Variants in POU6F2 observed in about 807,000 individuals in gnomAD.
POU6F2 encodes POU class 6 homeobox 2, also known as POU domain, class 6, transcription factor 2.
A neutral mutation model predicts 71.3 loss-of-function variants in POU6F2; 31 were observed. That is an observed-to-expected ratio of 0.43 (90% CI 0.33 to 0.59). The LOEUF is 0.59. Among genes scored for constraint, POU6F2 ranks in the 20% least tolerant of loss-of-function variants. The probability of loss-of-function intolerance (pLI) is 0.04; values close to 1 mark genes in which losing one functional copy is unlikely to be tolerated. For synonymous variants in POU6F2, 347 were observed against 355.7 expected (o/e 0.98, Z 0.27); for missense variants, 783 against 856.8 (o/e 0.91, Z 1.07).
At chr7:39,211,182 A>G (rs1193490953) in intron 4 of POU6F2, among the ~76,000 whole-genome samples, 1 of 152,132 alleles carries the variant, frequency 6.6e-6, no homozygotes, top group Non-Finnish European at 1.5e-5. Context: ...GGGGGTTAGG[A>G]TTTCAACATA....
intron 4 of POU6F2, among the ~76,000 whole-genome samples, chr7:39,220,820 T>C (rs886654015): frequency 1.2e-4 from 19 of 152,214 alleles, no homozygotes; most frequent in Admixed American, 3.3e-4. Flanking sequence ...AAGTGCACAA[T>C]GAATGATGGC....
intron 1 of POU6F2, among the ~76,000 whole-genome samples, chr7:38,982,123 T>C (rs1385114307): frequency 6.6e-6 from 1 of 152,188 alleles, no homozygotes; most frequent in Non-Finnish European, 1.5e-5. Context: ...TAGACTGATA[T>C]TCGTGCCTTA....
chr7:39,392,997 T>G (rs1047003851), intron 5 of POU6F2, among the ~76,000 whole-genome samples: 2 of 152,256 alleles, frequency 1.3e-5, no homozygotes, highest in African/African-American at 4.8e-5. Flanking sequence ...ACAGCCTTGC[T>G]TTTGCTCTTG....
intron 4 of POU6F2, among the ~76,000 whole-genome samples, chr7:39,309,567 AT>A (rs1018161826): frequency 2.6e-5 from 4 of 151,920 alleles, no homozygotes; most frequent in South Asian, 2.1e-4. Flanking sequence ...TTTAAAAAAA[AT>A]TTTTTTTCCT....
intron 5 of POU6F2, among the ~76,000 whole-genome samples, chr7:39,388,456 C>CTTGGGT (rs1215097345): frequency 3.3e-5 from 5 of 152,182 alleles, no homozygotes; most frequent in Non-Finnish European, 5.9e-5. Flanking sequence ...GCTGAGACTA[C>CTTGGGT]AGGCTCCCGC....
At chr7:39,215,593 G>A (rs1422195307) in intron 4 of POU6F2, among the ~76,000 whole-genome samples, 1 of 152,152 alleles carries the variant, frequency 6.6e-6, no homozygotes, top group Non-Finnish European at 1.5e-5. Flanking sequence ...AACTTTCAAA[G>A]CATTAGAGGT....
At chr7:39,307,532 T>C (rs1212915111) in intron 4 of POU6F2, among the ~76,000 whole-genome samples, 2 of 152,220 alleles carry the variant, frequency 1.3e-5, no homozygotes, top group Non-Finnish European at 2.9e-5. Flanking sequence ...TGAAGATAAT[T>C]TTATACTTCC....
intron 3 of POU6F2, among the ~76,000 whole-genome samples, chr7:39,206,636 T>C (rs1794016964): frequency 6.6e-6 from 1 of 152,244 alleles, no homozygotes; most frequent in African/African-American, 2.4e-5. Context: ...ACATTTTCTA[T>C]TTTTCTAAAG....
intron 2 of POU6F2, among the ~76,000 whole-genome samples, chr7:39,124,330 C>T (rs188266972): frequency 6.6e-6 from 1 of 152,174 alleles, no homozygotes; most frequent in Non-Finnish European, 1.5e-5. Context: ...CAGGCATAAG[C>T]CACCGCACCC....
At position 39,056,022 on chromosome 7, in the gene POU6F2, G is replaced by T. The variant is rs1345620308; in HGVS notation, c.106-29838G>T. Among the ~76,000 whole-genome samples the T allele has an allele frequency of 1.0e-4, 15 of 149,740 alleles. No homozygotes were observed. In the South Asian group the frequency reaches 2.1e-3, roughly 21 times the overall value. On this transcript the variant is annotated intron_variant, in intron 1 of 9. Transcript: ENST00000518318. Reference sequence around the variant, plus strand: ...ATCTCTTTAATCTTTAAAAAAAAAAGCCATTTGGTATTTGCTTTGTTTTAT... The same window carrying T: ...ATCTCTTTAATCTTTAAAAAAAAAATCCATTTGGTATTTGCTTTGTTTTAT...
At chr7:39,421,182 T>TA (rs1474754804) in intron 6 of POU6F2, among the ~76,000 whole-genome samples, 1 of 152,134 alleles carries the variant, frequency 6.6e-6, no homozygotes, top group Admixed American at 6.6e-5. Context: ...TCTTATGAGT[T>TA]ACGGTCTTTG....
chr7:39,130,268 A>G (rs1470104780), intron 2 of POU6F2, among the ~76,000 whole-genome samples: 4 of 152,064 alleles, frequency 2.6e-5, no homozygotes, highest in African/African-American at 4.8e-5. Context: ...GAATGAAGGT[A>G]ATGAAATTCA....
intron 5 of POU6F2, among the ~76,000 whole-genome samples, chr7:39,354,842 T>A (rs1318080779): frequency 6.6e-6 from 1 of 152,206 alleles, no homozygotes; most frequent in Admixed American, 6.5e-5. Context: ...CTGAAGGAAA[T>A]CATCTTAAAA....
intron 2 of POU6F2, among the ~76,000 whole-genome samples, chr7:39,129,583 A>G (rs1486656533): frequency 1.3e-5 from 2 of 151,540 alleles, no homozygotes; most frequent in Non-Finnish European, 2.9e-5. Flanking sequence ...ACTGGTAACA[A>G]TTTTTTTTCA....
chr7:39,278,726 C>G (rs1784506605), intron 4 of POU6F2, among the ~76,000 whole-genome samples: 1 of 152,140 alleles, frequency 6.6e-6, no homozygotes. Context: ...GCCCACTCTT[C>G]ACGCTGGCAT....
chr7:39,237,665 A>T (rs890817286), intron 4 of POU6F2, among the ~76,000 whole-genome samples: 1 of 152,130 alleles, frequency 6.6e-6, no homozygotes, highest in Non-Finnish European at 1.5e-5. Context: ...AACAACAGTT[A>T]GTGTATTTCA....
At chr7:39,146,492 A>C (rs142471578) in intron 2 of POU6F2, among the ~76,000 whole-genome samples, 3 of 152,338 alleles carry the variant, frequency 2.0e-5, no homozygotes, top group Non-Finnish European at 2.9e-5. Context: ...AACAGGAAAG[A>C]TAAAATGAAG....
chr7:39,075,227 C>T (rs1790974278), intron 1 of POU6F2, among the ~76,000 whole-genome samples: 1 of 152,168 alleles, frequency 6.6e-6, no homozygotes, highest in Non-Finnish European at 1.5e-5. Context: ...GTGAACAACA[C>T]ATTCCCTGGT....
At chr7:39,332,907 G>A (rs1785685687) in intron 4 of POU6F2, among the ~76,000 whole-genome samples, 1 of 152,102 alleles carries the variant, frequency 6.6e-6, no homozygotes, top group Non-Finnish European at 1.5e-5. Flanking sequence ...GTAGGTGAGA[G>A]GAGAAGCACT....
Sources: allele counts gnomAD v4.1 joint callset (sites outside exome capture counted in the v4.1 genomes callset), GRCh38; gene constraint gnomAD v4.1.1; transcripts MANE v1.5; gene names NCBI Gene and HGNC (gene_info 2026-07-23, HGNC 2026-07-21).